LIN9: variants seen among roughly 807,000 people sequenced by gnomAD.
The protein encoded by LIN9 is protein lin-9 homolog.
Under a neutral mutation model 78.0 loss-of-function variants are expected in LIN9, and 18 were observed. The observed-to-expected ratio is 0.23, with a 90% CI of 0.16 to 0.34. LIN9 has a LOEUF of 0.34. Ranked by LOEUF, LIN9 falls within the 10% of genes least tolerant of loss-of-function variation. LIN9 has a pLI of 1.00. For missense variants in LIN9, 451 were observed against 644.1 expected (o/e 0.70, Z 3.25); for synonymous variants, 192 against 215.2 (o/e 0.89, Z 0.94).
intron 4 of LIN9, among the ~76,000 whole-genome samples, chr1:226,294,150 A>G (rs1661970464): frequency 6.6e-6 from 1 of 151,822 alleles, no homozygotes; most frequent in Non-Finnish European, 1.5e-5. Flanking sequence ...TCTACTGAAA[A>G]TACAAAAATT....
chr1:226,253,192 G>A (rs1321163043), intron 10 of LIN9, among the ~76,000 whole-genome samples: 1 of 147,556 alleles, frequency 6.8e-6, no homozygotes, highest in East Asian at 2.0e-4. Context: ...GAGCCCAGGG[G>A]TTTGAGGCTG....
intron 7 of LIN9, among the ~76,000 whole-genome samples, chr1:226,272,501 A>C (rs541305562): frequency 7.0e-6 from 1 of 141,922 alleles, no homozygotes; most frequent in African/African-American, 2.6e-5. Flanking sequence ...CAGCGTCCTG[A>C]GTAGCTGGGA....
At chr1:226,302,554 A>G (rs1662622523) in intron 1 of LIN9, among the ~76,000 whole-genome samples, 1 of 151,960 alleles carries the variant, frequency 6.6e-6, no homozygotes, top group Non-Finnish European at 1.5e-5. Flanking sequence ...GTCCAAAAAA[A>G]AAAAAAAAAC....
chr1:226,309,172 G>A, upstream of LIN9: 1 of 1,407,926 alleles, frequency 7.1e-7, no homozygotes, highest in Non-Finnish European at 9.3e-7. Flanking sequence ...TTCAAAGGCT[G>A]CCCGCCGCGG....
At chr1:226,283,175 T>G (rs1661173726) in intron 6 of LIN9, among the ~76,000 whole-genome samples, 2 of 152,022 alleles carry the variant, frequency 1.3e-5, no homozygotes, top group Non-Finnish European at 1.5e-5. Context: ...TGCCCAGGCT[T>G]GAGTGCAGTG....
chr1:226,297,855 C>A, intron 2 of LIN9, 42 bp from the exon 3 acceptor site: 1 of 1,131,238 alleles, frequency 8.8e-7, no homozygotes, highest in South Asian at 1.8e-5. Flanking sequence ...TGGCTTAGTT[C>A]AAAGGATTTC....
intron 6 of LIN9, among the ~76,000 whole-genome samples, chr1:226,283,588 A>C (rs1483057733): frequency 1.3e-5 from 2 of 152,080 alleles, no homozygotes; most frequent in African/African-American, 4.8e-5. Flanking sequence ...TTGGCCATGT[A>C]AAACGTTCTT....
At chr1:226,253,108 A>G (rs1461895297) in intron 10 of LIN9, among the ~76,000 whole-genome samples, 8 of 151,332 alleles carry the variant, frequency 5.3e-5, no homozygotes, top group African/African-American at 1.7e-4. Flanking sequence ...ATGAAAAAGT[A>G]AAAAATTAGC....
At chr1:226,247,008 T>C (rs1658526613) in intron 11 of LIN9, among the ~76,000 whole-genome samples, 1 of 152,140 alleles carries the variant, frequency 6.6e-6, no homozygotes, top group African/African-American at 2.4e-5. Context: ...GTATTTCCTA[T>C]TTATCGTCTC....
At chr1:226,303,765 C>T (rs758454729) in intron 1 of LIN9, among the ~76,000 whole-genome samples, 10 of 152,154 alleles carry the variant, frequency 6.6e-5, no homozygotes, top group South Asian at 2.1e-4. Context: ...TGCCACCATA[C>T]GCAGCTAATT....
Position 226,265,384 on chromosome 1 carries a change from CTT to C in LIN9, c.1038+147_1038+148del. ...TTTAAGTCTTTTTTGGTTTTTATAA[CTT>C]TTATTTTCAGGCTTTGTTGGAAATA... On this transcript the variant is annotated intron_variant, in intron 10 of 14. Coordinates refer to ENST00000681046, the MANE Select transcript of LIN9 (RefSeq NM_001366245.2). This position sits in a 1 kb window ranked among gnomAD's most constrained non-coding sequence, Gnocchi z 4.1. 2.2e-6 allele frequency: 1 copy of C among 447,212 alleles called. No individual in the cohort carries two copies. The highest frequency in any genetic ancestry group is 4.0e-6 in the Non-Finnish European group (1 of 250,590). 27.7% of individuals were successfully genotyped at this position (447,212 alleles called of 1,614,324 possible). A position where few individuals can be genotyped will look rare whatever the true frequency, so the allele number is the denominator to read the frequency against.
Position 226,250,927 on chromosome 1 carries a change from CAAAG to C in LIN9, c.1039-12_1039-9del, listed in dbSNP as rs780590519. On this transcript the variant is annotated splice_polypyrimidine_tract_variant and intron_variant, in intron 10 of 14. Coordinates refer to ENST00000681046, the MANE Select transcript of LIN9 (RefSeq NM_001366245.2). Reference sequence around the variant, plus strand: ...AATTTTTGATAATCTGGTCTACAGACAAAGAAGAAATATTTTAGAATAAACAGAG... The same window carrying C: ...AATTTTTGATAATCTGGTCTACAGACAAGAAATATTTTAGAATAAACAGAG... The C allele has an allele frequency of 1.4e-5, 19 of 1,356,880 alleles. No homozygotes were observed. Among genetic ancestry groups the C allele is most frequent in the African/African-American group, 4.4e-5 (3 of 68,572 alleles). The allele number at this position is 1,356,880 out of a possible 1,614,324, so 84.1% of individuals were successfully genotyped here.
chr1:226,248,372 T>C (rs922185345), intron 11 of LIN9, among the ~76,000 whole-genome samples: 3 of 152,234 alleles, frequency 2.0e-5, no homozygotes, highest in East Asian at 1.9e-4. Context: ...CGAAATCTCA[T>C]AGACATTGTT....
intron 7 of LIN9, among the ~76,000 whole-genome samples, chr1:226,274,455 G>A (rs968040177): frequency 6.6e-6 from 1 of 152,170 alleles, no homozygotes; most frequent in Admixed American, 6.5e-5. Flanking sequence ...TCTAATGATG[G>A]GTTTTGTGTA....
At chr1:226,299,991 T>C (rs186997814) in intron 2 of LIN9, among the ~76,000 whole-genome samples, 2 of 150,570 alleles carry the variant, frequency 1.3e-5, no homozygotes, top group Admixed American at 1.3e-4. Flanking sequence ...CAGACTGGAG[T>C]GTGGTGGCGC....
Position 226,239,061 on chromosome 1 carries a change from C to T in LIN9, c.1155G>A (p.Gln385=). 2 of 1,613,656 alleles carry T rather than the reference C, an allele frequency of 1.2e-6. No individual in the cohort carries two copies. The highest frequency in any genetic ancestry group is 1.7e-6 in the Non-Finnish European group (2 of 1,179,868). ...CCAGAACAATTGTTGCATATCTCCG[C>T]TGAAATTCAATGCTGATGGGCATGG... ...SYSMPISIEF[Q]RRYATIVLEL... is the part of the protein sequence containing the mutation. Residue 385 remains glutamine, a synonymous_variant, in exon 12 of 15, where the codon CAG becomes CAA. Coordinates refer to ENST00000681046, the MANE Select transcript of LIN9 (RefSeq NM_001366245.2).
chr1:226,282,975 C>T (rs1359802510), intron 6 of LIN9, among the ~76,000 whole-genome samples: 1 of 152,156 alleles, frequency 6.6e-6, no homozygotes, highest in African/African-American at 2.4e-5. Context: ...TGCTTTTAAA[C>T]AGACAGGGTC....
intron 10 of LIN9, among the ~76,000 whole-genome samples, chr1:226,252,281 A>AAAATAAATAAAT (rs59130234): frequency 3.2e-3 from 448 of 140,858 alleles, no homozygotes; most frequent in Non-Finnish European, 5.0e-3. Context: ...ACCCCATCTC[A>AAAATAAATAAAT]AAATAAATAA....
rs559460640 is a variant in LIN9, at chr1:226,260,628, G to GTTTTTTTTT, written c.1038+4896_1038+4904dup. 1.9e-4 allele frequency among the ~76,000 whole-genome samples: 14 copies of GTTTTTTTTT among 73,436 alleles called. 2 individuals are homozygous for GTTTTTTTTT. Among genetic ancestry groups the GTTTTTTTTT allele is most frequent in the African/African-American group, 4.0e-4 (8 of 19,838 alleles). The allele number at this position is 73,436 out of a possible 152,430, so 48.2% of individuals were successfully genotyped here. A position where few individuals can be genotyped will look rare whatever the true frequency, so the allele number is the denominator to read the frequency against. On this transcript the variant is annotated intron_variant, in intron 10 of 14. Transcript: ENST00000681046. ...AGAATTTAAGATCACGGCCAAATGA[G>GTTTTTTTTT]TTTTTTTTTTTTTTTTTTTTTTTTT...
Sources: gnomAD v4.1 joint callset for allele counts (sites outside exome capture counted in the v4.1 genomes callset) on GRCh38, gnomAD v4.1.1 for gene constraint, Gnocchi (gnomAD v3.1) non-coding constraint, MANE v1.5 for transcripts, NCBI Gene and HGNC (gene_info 2026-07-23, HGNC 2026-07-21) for gene names.